Variants in SAFB observed in about 807,000 individuals in gnomAD.
SAFB encodes the protein scaffold attachment factor B1.
SAFB carries 15 observed loss-of-function variants against 101.6 expected under a neutral mutation model. That is an observed-to-expected ratio of 0.15 (90% confidence interval 0.10 to 0.23). SAFB has a LOEUF of 0.23. SAFB is among the 10% of genes least tolerant of loss of function. The pLI is 1.00. For synonymous variants in SAFB, 449 were observed against 407.5 expected, an observed-to-expected ratio of 1.10 and a Z score of -1.23; for missense variants, 930 against 1,104.1, an observed-to-expected ratio of 0.84 and a Z score of 2.23.
At chr19:5,661,867 C>T (rs1386717169) in intron 15 of SAFB, 59 bp downstream of exon 15, 13 of 1,173,224 alleles carry the variant, frequency 1.1e-5, no homozygotes, top group Admixed American at 1.1e-4. Flanking sequence ...AGGGACCTCA[C>T]AGTCCAGTTA....
intron 15 of SAFB, 126 bp from the exon 16 acceptor site, chr19:5,663,896 T>A: frequency 9.5e-7 from 1 of 1,047,970 alleles, no homozygotes; most frequent in Non-Finnish European, 1.4e-6. Context: ...TTGCCTCCTA[T>A]AGGAGAGAAC....
chr19:5,660,635 T>A (rs1414599261), intron 14 of SAFB, among the ~76,000 whole-genome samples: 1 of 145,726 alleles, frequency 6.9e-6, no homozygotes, highest in Non-Finnish European at 1.5e-5. Context: ...CCCAGCACTT[T>A]GGGAGGTGGA....
intron 2 of SAFB, among the ~76,000 whole-genome samples, chr19:5,639,692 CAAA>C (rs200168940): frequency 5.5e-5 from 5 of 91,018 alleles, no homozygotes; most frequent in East Asian, 2.4e-4. Flanking sequence ...GACTCCGTCC[CAAA>C]AAAAAAAAAA....
At chr19:5,638,093 T>C (rs2053630961) in intron 2 of SAFB, among the ~76,000 whole-genome samples, 1 of 152,234 alleles carries the variant, frequency 6.6e-6, no homozygotes, top group Non-Finnish European at 1.5e-5. Flanking sequence ...AGCAAATGAC[T>C]ATATAAATAC....
At chr19:5,626,901 C>T (rs1187139809) in intron 2 of SAFB, among the ~76,000 whole-genome samples, 5 of 151,828 alleles carry the variant, frequency 3.3e-5, no homozygotes, top group African/African-American at 7.3e-5. Flanking sequence ...TTTAAAGGCC[C>T]GGTGTGGTGG....
chr19:5,649,526 G>T, intron 7 of SAFB, 27 bp downstream of exon 7: 1 of 414,020 alleles, frequency 2.4e-6, no homozygotes, highest in Non-Finnish European at 4.3e-6. Flanking sequence ...TTTTAGACCA[G>T]ACGCTATCTC....
intron 2 of SAFB, among the ~76,000 whole-genome samples, chr19:5,640,932 C>CT (rs60475807): frequency 1.2e-3 from 165 of 138,284 alleles, no homozygotes; most frequent in Middle Eastern, 4.0e-3. Context: ...TTTTGTTTTT[C>CT]TTTTTTTTTT....
At chr19:5,630,646 C>T (rs962600354) in intron 2 of SAFB, among the ~76,000 whole-genome samples, 56 of 151,276 alleles carry the variant, frequency 3.7e-4, no homozygotes, top group Non-Finnish European at 4.0e-4. Flanking sequence ...ATCCTAGCTA[C>T]TTGAGAGGCT....
In SAFB at chr19:5,667,161, C is replaced by G. The variant is rs1356409732; in HGVS notation, c.2450C>G (p.Pro817Arg). The change falls in exon 18 of 21, where the codon CCC becomes CGC. Residue 817 changes from proline to arginine, a missense_variant. Physicochemically the swap from Pro to Arg is moderately radical, Grantham distance 103 (BLOSUM62 -2). This residue lies in a region of SAFB where 318 missense variants were observed against 342.6 expected (regional missense o/e 0.93). Transcript: ENST00000588852. This position sits in a 1 kb window ranked among gnomAD's most constrained non-coding sequence, Gnocchi z 4.0. Reference protein sequence around the residue: ...MSEGRGLPPPPRGRRDWGDHG... With the variant: ...MSEGRGLPPPRRGRRDWGDHG... ...GAGGGCCGGGGGCTGCCTCCTCCCC[C>G]CAGGTTTGTGTCCCACACCCGACAG... 6.3e-7 allele frequency: 1 copy of G among 1,581,450 alleles called. No homozygotes were observed. The highest frequency in any genetic ancestry group is 8.7e-7 in the Non-Finnish European group (1 of 1,153,268).
At chr19:5,664,724 G>A (rs2054290712) in intron 17 of SAFB, 2 of 390,348 alleles carry the variant, frequency 5.1e-6, no homozygotes, top group Admixed American at 3.9e-5. Context: ...GGGAACCTTG[G>A]GATGTGACCT....
At chr19:5,664,467 C>G (rs374375051) in intron 17 of SAFB, 28 bp downstream of exon 17, 2 of 1,581,698 alleles carry the variant, frequency 1.3e-6, no homozygotes, top group African/African-American at 2.7e-5. Context: ...GTGGTAGCCA[C>G]AGAATTTCCC....
chr19:5,646,181 AT>A (rs973494846), intron 5 of SAFB, among the ~76,000 whole-genome samples: 2 of 151,510 alleles, frequency 1.3e-5, no homozygotes, highest in Admixed American at 6.6e-5. Flanking sequence ...TTATTTATTT[AT>A]TTTTTTTCCC....
chr19:5,651,043 T>G lies in SAFB; in HGVS notation c.1264T>G (p.Leu422Val), dbSNP rs748526822. 1.2e-6 allele frequency: 2 copies of G among 1,609,300 alleles called. No homozygotes were observed. The highest frequency in any genetic ancestry group is 2.2e-5 in the South Asian group (2 of 90,142). ...GLSSTTRATD[L>V]KNLFSKYGKV... ...CTCTTCTACAACCAGAGCTACAGAT[T>G]TGAAGAATCTTTTCAGCAAATATGG... The change falls in exon 9 of 21, where the codon TTG becomes GTG. Residue 422 changes from leucine to valine, a missense_variant. By Grantham distance (32) the Leu-to-Val change is conservative. This residue lies in a region of SAFB where 68 missense variants were observed against 122.1 expected (regional missense o/e 0.56). Coordinates refer to ENST00000588852, the MANE Select transcript of SAFB (RefSeq NM_001201338.2).
At chr19:5,631,282 G>A (rs1373823122) in intron 2 of SAFB, among the ~76,000 whole-genome samples, 1 of 152,130 alleles carries the variant, frequency 6.6e-6, no homozygotes, top group Non-Finnish European at 1.5e-5. Flanking sequence ...AATAAAAGTC[G>A]CTGTTGTGAT....
chr19:5,657,284 G>T lies in SAFB; in HGVS notation c.1799G>T (p.Arg600Leu), dbSNP rs774372914. 1 of 1,614,030 alleles carries T rather than the reference G, an allele frequency of 6.2e-7. No homozygotes were observed. Among genetic ancestry groups the T allele is most frequent in the Admixed American group, 1.7e-5 (1 of 60,012 alleles). ...CGCAAATCAGCCAGCAGAGAGAAGC[G>T]GTCCGTCGTGTCCTTTGATAAGGTC... ...QDRKSASREK[R>L]SVVSFDKVKE... The change falls in exon 14 of 21, where the codon CGG (arginine) becomes CTG (leucine). Residue 600 changes from arginine to leucine, a missense_variant. Around this residue, in one of 7 missense-constraint regions of SAFB, gnomAD observed 159 missense variants for 234.1 expected, o/e 0.68. Coordinates refer to ENST00000588852, the MANE Select transcript of SAFB (RefSeq NM_001201338.2).
rs567119033 is a variant in SAFB at position 5,631,204 on chromosome 19, G to C, written c.274+4715G>C. ...GACTGTGTCTCAAAAAAAAAGAAAA[G>C]AAACATTTGTCATCAGAAAGATCAC... On this transcript the variant is annotated intron_variant, in intron 2 of 20. Transcript: ENST00000588852. 2.5e-3 allele frequency among the ~76,000 whole-genome samples: 384 copies of C among 152,192 alleles called. 1 individual carries two copies. Among genetic ancestry groups the C allele is most frequent in the Middle Eastern group, 0.01 (3 of 294 alleles).
intron 5 of SAFB, 76 bp from the exon 6 acceptor site, chr19:5,647,940 T>G: frequency 7.7e-7 from 1 of 1,301,498 alleles, no homozygotes. Flanking sequence ...CCCTCTTTAG[T>G]TATTCTGGGT....
intron 2 of SAFB, among the ~76,000 whole-genome samples, chr19:5,631,347 A>G (rs2053486366): frequency 1.3e-5 from 2 of 152,210 alleles, no homozygotes; most frequent in African/African-American, 2.4e-5. Flanking sequence ...AAATGGAGCC[A>G]TGCAATACTA....
intron 16 of SAFB, 59 bp downstream of exon 16, chr19:5,664,218 G>A: frequency 6.3e-7 from 1 of 1,577,786 alleles, no homozygotes; most frequent in Non-Finnish European, 8.7e-7. Flanking sequence ...TTCTGACTGA[G>A]AACAAGGACT....
Sources: gnomAD v4.1 joint callset for allele counts (sites outside exome capture counted in the v4.1 genomes callset) on GRCh38, gnomAD v4.1.1 for gene constraint, gnomAD v4.1.1 regional missense constraint, Gnocchi (gnomAD v3.1) non-coding constraint, MANE v1.5 for transcripts, NCBI Gene and HGNC (gene_info 2026-07-23, HGNC 2026-07-21) for gene names.